Variants in NTN1 observed in about 807,000 individuals in gnomAD.
NTN1 encodes the protein netrin-1.
In NTN1, 11 loss-of-function variants were observed where a neutral mutation model predicts 54.2. The observed-to-expected ratio is 0.20, with a 90% CI of 0.13 to 0.34. NTN1 has a LOEUF of 0.34. Among genes scored for constraint, NTN1 ranks in the 10% least tolerant of loss-of-function variants. NTN1 has a pLI of 1.00. For synonymous variants in NTN1, 371 were observed against 382.0 expected, an observed-to-expected ratio of 0.97 and a Z score of 0.33; for missense variants, 740 against 893.1, an observed-to-expected ratio of 0.83 and a Z score of 2.18.
At position 9,212,287 on chromosome 17, in the gene NTN1, C is replaced by G. The variant is rs1905123025; in HGVS notation, c.1412-8881C>G. On this transcript the variant is annotated intron_variant, in intron 5 of 6. Transcript: ENST00000173229. This position sits in a 1 kb window ranked among gnomAD's most constrained non-coding sequence, Gnocchi z 5.5. ...GGGCAAGTCACGAAGTCACCTGCAG[C>G]CTAGGACCAAGAGGTGAGAGCCAGC... is the stretch of plus-strand genomic sequence containing the variant. 6.6e-6 allele frequency among the ~76,000 whole-genome samples: 1 copy of G among 152,120 alleles called. No homozygotes were observed. The highest frequency in any genetic ancestry group is 1.5e-5 in the Non-Finnish European group (1 of 68,020).
intron 2 of NTN1, among the ~76,000 whole-genome samples, chr17:9,139,918 TCATCCATCATCCATCCATC>T (rs1030086782): frequency 6.6e-6 from 1 of 151,694 alleles, no homozygotes; most frequent in African/African-American, 2.4e-5. Context: ...ATCCATCCAT[TCATCCATCATCCATCCATC>T]CATCTGTCCA....
intron 2 of NTN1, among the ~76,000 whole-genome samples, chr17:9,060,364 A>G (rs765559208): frequency 6.6e-6 from 1 of 152,276 alleles, no homozygotes; most frequent in Non-Finnish European, 1.5e-5. Flanking sequence ...TACATAAAAC[A>G]TATACAATAT....
intron 2 of NTN1, among the ~76,000 whole-genome samples, chr17:9,089,695 T>C (rs760544465): frequency 1.3e-5 from 2 of 152,080 alleles, no homozygotes; most frequent in East Asian, 3.9e-4. Context: ...GCTTTCGGAC[T>C]CTCAGGGCCC....
At chr17:9,126,451 G>C (rs1007841975) in intron 2 of NTN1, among the ~76,000 whole-genome samples, 2 of 141,998 alleles carry the variant, frequency 1.4e-5, no homozygotes, top group African/African-American at 5.3e-5. Flanking sequence ...CGGAGGTTGC[G>C]GTGAGCCGAG....
At chr17:9,210,633 C>CCGGT (rs928801746) in intron 5 of NTN1, among the ~76,000 whole-genome samples, 2 of 152,034 alleles carry the variant, frequency 1.3e-5, no homozygotes, top group African/African-American at 4.8e-5. Flanking sequence ...CTCACCTCGG[C>CCGGT]CGGTCGCTCA....
chr17:9,138,358 C>G (rs2092287405), intron 2 of NTN1, among the ~76,000 whole-genome samples: 1 of 152,146 alleles, frequency 6.6e-6, no homozygotes, highest in Admixed American at 6.5e-5. Context: ...GGCCAGATCA[C>G]GTGTCTGCGA....
At chr17:9,167,813 C>T (rs2092377253) in intron 3 of NTN1, among the ~76,000 whole-genome samples, 1 of 152,224 alleles carries the variant, frequency 6.6e-6, no homozygotes, top group Non-Finnish European at 1.5e-5. Context: ...GGGGACTCCC[C>T]ATGACTTTCT....
chr17:9,195,807 C>G (rs1904618523), intron 5 of NTN1, among the ~76,000 whole-genome samples: 1 of 152,144 alleles, frequency 6.6e-6, no homozygotes. Context: ...CCCTCCAGCC[C>G]CAGAGCAGGA....
chr17:9,011,917 A>T, the NTN1 span, among the ~76,000 whole-genome samples: 27 of 152,034 alleles, frequency 1.8e-4, no homozygotes, highest in Admixed American at 1.8e-3. Context: ...CACCGCACAG[A>T]GCTGGTCACC....
chr17:9,104,979 G>A (rs1597489012), intron 2 of NTN1, among the ~76,000 whole-genome samples: 1 of 152,258 alleles, frequency 6.6e-6, no homozygotes. Context: ...GTGCCTCTGA[G>A]TGGGGCAGGG....
the NTN1 span, among the ~76,000 whole-genome samples, chr17:9,006,394 A>G: frequency 6.6e-6 from 1 of 152,092 alleles, no homozygotes; most frequent in Non-Finnish European, 1.5e-5. Context: ...ATCTTCGCTG[A>G]GGGGGCCCAG....
At chr17:9,104,774 C>T (rs1055555119) in intron 2 of NTN1, among the ~76,000 whole-genome samples, 11 of 152,154 alleles carry the variant, frequency 7.2e-5, no homozygotes, top group Non-Finnish European at 1.5e-4. Flanking sequence ...GACAGGGAGA[C>T]TTTAGGCGGG....
chr17:9,080,221 C>T (rs1233205266), intron 2 of NTN1, among the ~76,000 whole-genome samples: 1 of 152,260 alleles, frequency 6.6e-6, no homozygotes, highest in African/African-American at 2.4e-5. Flanking sequence ...ATGCAGCCCC[C>T]TGCGTGACCT....
chr17:9,115,382 C>G (rs2092207733), intron 2 of NTN1, among the ~76,000 whole-genome samples: 1 of 152,220 alleles, frequency 6.6e-6, no homozygotes, highest in South Asian at 2.1e-4. Flanking sequence ...ATGTGTTCCC[C>G]AGGGTCTCCC....
the NTN1 span, among the ~76,000 whole-genome samples, chr17:9,005,353 G>A: frequency 1.3e-5 from 2 of 152,114 alleles, no homozygotes; most frequent in Non-Finnish European, 2.9e-5. Flanking sequence ...GAGGGCTTGA[G>A]CCAGAATGGA....
At chr17:9,081,709 T>A (rs2092071896) in intron 2 of NTN1, among the ~76,000 whole-genome samples, 1 of 152,206 alleles carries the variant, frequency 6.6e-6, no homozygotes, top group Non-Finnish European at 1.5e-5. Flanking sequence ...TTGATGACAG[T>A]CCCTTGCAGA....
chr17:9,117,605 G>A (rs2092218044), intron 2 of NTN1, among the ~76,000 whole-genome samples: 1 of 152,002 alleles, frequency 6.6e-6, no homozygotes, highest in African/African-American at 2.4e-5. Context: ...TTAGCCAGGT[G>A]TGGTGGTGCA....
intron 2 of NTN1, among the ~76,000 whole-genome samples, chr17:9,127,712 C>G (rs1256499945): frequency 6.6e-6 from 1 of 152,150 alleles, no homozygotes; most frequent in Non-Finnish European, 1.5e-5. Flanking sequence ...AGAAAGTCCT[C>G]TGAGAAAACA....
At chr17:9,079,908 C>T (rs1193079781) in intron 2 of NTN1, among the ~76,000 whole-genome samples, 1 of 149,812 alleles carries the variant, frequency 6.7e-6, no homozygotes. Flanking sequence ...TTACTGGCCC[C>T]TAAGGAAGTG....
Sources: gnomAD v4.1 joint callset for allele counts (sites outside exome capture counted in the v4.1 genomes callset) on GRCh38, gnomAD v4.1.1 for gene constraint, Gnocchi (gnomAD v3.1) non-coding constraint, MANE v1.5 for transcripts, NCBI Gene and HGNC (gene_info 2026-07-23, HGNC 2026-07-21) for gene names.